The following SMARCE1 variants were observed in gnomAD, a reference collection of about 807,000 sequenced individuals.
SMARCE1 encodes the protein SWI/SNF-related matrix-associated actin-dependent regulator of chromatin subfamily E member 1.
Under a neutral mutation model 54.9 loss-of-function variants are expected in SMARCE1, and 13 were observed. The observed-to-expected ratio is 0.24, with a 90% CI of 0.15 to 0.38. The LOEUF is 0.38. Ranked by LOEUF, SMARCE1 falls within the 10% of genes least tolerant of loss-of-function variation. The probability of loss-of-function intolerance (pLI) is 1.00; values close to 1 mark genes in which losing one functional copy is unlikely to be tolerated. For missense variants in SMARCE1, 295 were observed against 523.8 expected (o/e 0.56, Z 4.26); for synonymous variants, 151 against 175.3 (o/e 0.86, Z 1.10).
Position 40,628,703 on chromosome 17 carries a change from C to G in SMARCE1, c.*82G>C. ...ATATGGACAAGAAAAAAAATTAATA[C>G]ACAAACCACGTAACACCATTAAAAC... On this transcript the variant is annotated 3_prime_UTR_variant, in exon 11 of 11. Transcript: ENST00000348513. 6.8e-6 allele frequency: 8 copies of G among 1,171,238 alleles called. No individual in the cohort carries two copies. The highest frequency in any genetic ancestry group is 8.7e-6 in the Non-Finnish European group (7 of 803,844). 72.6% of individuals were successfully genotyped at this position (1,171,238 alleles called of 1,614,324 possible).
At chr17:40,635,867 A>C in intron 7 of SMARCE1, 64 bp downstream of exon 7, 1 of 1,196,172 alleles carries the variant, frequency 8.4e-7, no homozygotes, top group Admixed American at 2.7e-5. Flanking sequence ...CTTATACTTA[A>C]GAGATTTCTC....
Position 40,630,778 on chromosome 17 carries a change from C to T in SMARCE1, c.963G>A (p.Glu321=), listed in dbSNP as rs753203502. The T allele has an allele frequency of 3.8e-5, 61 of 1,613,986 alleles. No homozygotes were observed. Among genetic ancestry groups the T allele is most frequent in the Non-Finnish European group, 8.5e-6 (10 of 1,180,026 alleles). The change falls in exon 10 of 11, where the codon GAG becomes GAA. Residue 321 remains glutamate (E), a synonymous_variant. Coordinates refer to ENST00000348513, the MANE Select transcript of SMARCE1 (RefSeq NM_003079.5). ...CGCCTTTGTTAGCTGCTTGTTCTTC[C>T]TCAGGAACGATGCTGCTCTGACTGC... ...AERSQSSIVP[E]EEQAANKGEE...
rs117227765 is a variant in SMARCE1, at chr17:40,631,150, C to T, written c.817-226G>A. 7,037 of 457,792 alleles carry T rather than the reference C, an allele frequency of 0.015. 93 individuals carry two copies. Among genetic ancestry groups the T allele is most frequent in the Non-Finnish European group, 0.019 (5,092 of 262,616 alleles). 28.4% of individuals were successfully genotyped at this position (457,792 alleles called of 1,614,324 possible). A position where few individuals can be genotyped will look rare whatever the true frequency, so the allele number is the denominator to read the frequency against. On this transcript the variant is annotated intron_variant, in intron 9 of 10. Transcript: ENST00000348513. The stretch of plus-strand genomic sequence containing the variant: ...TAGCAGTTGTATAATATAGGATATT[C>T]CAGAGCAGCTGGTGAGGCAAAATAG...
chr17:40,638,651 A>T (rs1357326487), intron 4 of SMARCE1, among the ~76,000 whole-genome samples: 1 of 152,138 alleles, frequency 6.6e-6, no homozygotes. Context: ...AAAGACCCAG[A>T]ATAAGAAAAA....
intron 10 of SMARCE1, chr17:40,630,100 TAA>T (rs2037075895): frequency 1.5e-6 from 1 of 671,908 alleles, no homozygotes; most frequent in South Asian, 2.0e-5. Flanking sequence ...TAGGCAGTGT[TAA>T]AACAGTGCCA....
Position 40,631,439 on chromosome 17 carries a change from T to G in SMARCE1, c.816+153A>C, listed in dbSNP as rs185946077. On this transcript the variant is annotated intron_variant, in intron 9 of 10. Transcript: ENST00000348513. ...ATTTTGCCAGAGAATGGGAACAATCTTATAAAAAAAGGATCCTACAGGTTT... is the reference window on the plus strand; with the variant it reads ...ATTTTGCCAGAGAATGGGAACAATCGTATAAAAAAAGGATCCTACAGGTTT... The G allele has an allele frequency of 1.6e-4, 89 of 565,392 alleles. No individual in the cohort carries two copies. The East Asian group carries it at 2.4e-3, about 15-fold the overall frequency. The allele number at this position is 565,392 out of a possible 1,614,324, so 35.0% of individuals were successfully genotyped here. A position where few individuals can be genotyped will look rare whatever the true frequency, so the allele number is the denominator to read the frequency against.
chr17:40,645,626 G>A lies in SMARCE1; in HGVS notation c.8-7C>T. 6.4e-7 allele frequency: 1 copy of A among 1,554,538 alleles called. No individual in the cohort carries two copies. Among genetic ancestry groups the A allele is most frequent in the Admixed American group, 2.2e-5 (1 of 45,116 alleles). ...GGGGCATAAGATGGTCTTTCTGTTTGAAAGAAAATAAATAACTTCTTGTAA... is the reference window on the plus strand; with the variant it reads ...GGGGCATAAGATGGTCTTTCTGTTTAAAAGAAAATAAATAACTTCTTGTAA... On this transcript the variant is annotated splice_polypyrimidine_tract_variant and splice_region_variant and intron_variant, in intron 2 of 10. Coordinates refer to ENST00000348513, the MANE Select transcript of SMARCE1 (RefSeq NM_003079.5).
intron 2 of SMARCE1, 47 bp downstream of exon 2, chr17:40,645,749 T>G: frequency 9.2e-7 from 1 of 1,091,468 alleles, no homozygotes; most frequent in Non-Finnish European, 1.3e-6. Context: ...GCTAGGGCAT[T>G]AGTCTCTTAT....
chr17:40,645,784 A>T lies in SMARCE1; in HGVS notation c.7+12T>A, dbSNP rs747498963. On this transcript the variant is annotated intron_variant, in intron 2 of 10. Transcript: ENST00000348513. Reference sequence around the variant, plus strand: ...TTAACATAGATTGATAAATATAAAAATTGAAACTTACTTGACATTTTGGAA... The same window carrying T: ...TTAACATAGATTGATAAATATAAAATTTGAAACTTACTTGACATTTTGGAA... The T allele has an allele frequency of 6.0e-6, 7 of 1,175,298 alleles. No individual in the cohort carries two copies. Among genetic ancestry groups the T allele is most frequent in the Non-Finnish European group, 6.9e-6 (6 of 863,386 alleles). 72.8% of individuals were successfully genotyped at this position (1,175,298 alleles called of 1,614,324 possible). A position where few individuals can be genotyped will look rare whatever the true frequency, so the allele number is the denominator to read the frequency against.
At chr17:40,630,117 G>T in intron 10 of SMARCE1, 1 of 707,944 alleles carries the variant, frequency 1.4e-6, no homozygotes, top group Non-Finnish European at 2.5e-6. Flanking sequence ...GTGCCATGAG[G>T]TAAGGTGATC....
rs376628666 is a variant in SMARCE1 at position 40,630,787 on chromosome 17, G to A, written c.954C>T (p.Ile318=). ...AEQAERSQSS[I]VPEEEQAANK... is the part of the protein sequence containing the mutation. Reference sequence around the variant, plus strand: ...TAGCTGCTTGTTCTTCCTCAGGAACGATGCTGCTCTGACTGCGCTCAGCTT... The same window carrying A: ...TAGCTGCTTGTTCTTCCTCAGGAACAATGCTGCTCTGACTGCGCTCAGCTT... Residue 318 remains isoleucine (I), a synonymous_variant, in exon 10 of 11, where the codon ATC becomes ATT. Transcript: ENST00000348513. The A allele has an allele frequency of 3.5e-5, 57 of 1,613,938 alleles. No individual in the cohort carries two copies. The Admixed American group carries it at 7.2e-4, about 20-fold the overall frequency.
At chr17:40,635,662 G>T in intron 7 of SMARCE1, 1 of 256,362 alleles carries the variant, frequency 3.9e-6, no homozygotes, top group Non-Finnish European at 7.3e-6. Context: ...TCCTGATTGT[G>T]ATTTAAAAAC....
intron 4 of SMARCE1, chr17:40,640,699 C>A (rs1041822666): frequency 6.6e-6 from 1 of 152,146 alleles, no homozygotes; most frequent in African/African-American, 2.4e-5. Context: ...CTTCATATAG[C>A]AGTTTGATTA....
At chr17:40,645,377 G>T (rs2037245732) in intron 3 of SMARCE1, 199 bp downstream of exon 3, 1 of 479,434 alleles carries the variant, frequency 2.1e-6, no homozygotes. Context: ...TTACAGTACT[G>T]TTTCTTTAAA....
chr17:40,641,156 C>A (rs952030609), intron 4 of SMARCE1: 1 of 152,180 alleles, frequency 6.6e-6, no homozygotes, highest in Admixed American at 6.5e-5. Context: ...ATGATTGATT[C>A]CGTTCATTGT....
intron 4 of SMARCE1, 49 bp from the exon 5 acceptor site, chr17:40,637,621 G>A: frequency 7.0e-7 from 1 of 1,436,414 alleles, no homozygotes; most frequent in Non-Finnish European, 9.8e-7. Flanking sequence ...GGAGTTCACT[G>A]GCAAACTGAA....
intron 8 of SMARCE1, chr17:40,631,958 G>T: frequency 1.8e-6 from 1 of 544,798 alleles, no homozygotes; most frequent in Non-Finnish European, 3.2e-6. Flanking sequence ...AAATTCTTAA[G>T]TTCACACGTA....
chr17:40,647,487 T>G (rs539467066), intron 1 of SMARCE1: 1 of 152,504 alleles, frequency 6.6e-6, no homozygotes, highest in Non-Finnish European at 1.5e-5. Context: ...GTCGCTCTCT[T>G]TGTCTTGGAG....
intron 4 of SMARCE1, 109 bp from the exon 5 acceptor site, chr17:40,637,681 A>G (rs2037159661): frequency 1.3e-6 from 1 of 772,198 alleles, no homozygotes; most frequent in Non-Finnish European, 2.2e-6. Flanking sequence ...ATTCGTCCAA[A>G]TATTTTCTTC....
Sources: allele counts gnomAD v4.1 joint callset (sites outside exome capture counted in the v4.1 genomes callset), GRCh38; gene constraint gnomAD v4.1.1; transcripts MANE v1.5; gene names NCBI Gene and HGNC (gene_info 2026-07-23, HGNC 2026-07-21).